Variants in EXOC6B observed in about 807,000 individuals in gnomAD.
The protein encoded by EXOC6B is exocyst complex component 6B.
In EXOC6B, 54 loss-of-function variants were observed where a neutral mutation model predicts 113.5. The ratio of observed to expected loss-of-function variants is 0.48; its 90% CI spans 0.38 to 0.60. The LOEUF (loss-of-function observed/expected upper bound fraction) is 0.60. EXOC6B is among the 20% of genes least tolerant of loss of function. The probability of loss-of-function intolerance (pLI) is 0.00; values close to 1 mark genes in which losing one functional copy is unlikely to be tolerated. For missense variants in EXOC6B, 797 were observed against 977.5 expected, an observed-to-expected ratio of 0.82 and a Z score of 2.46; for synonymous variants, 357 against 339.0, an observed-to-expected ratio of 1.05 and a Z score of -0.58.
At chr2:72,392,010 G>A (rs146355651) in intron 18 of EXOC6B, among the ~76,000 whole-genome samples, 78 of 152,222 alleles carry the variant, frequency 5.1e-4, no homozygotes, top group African/African-American at 1.7e-3. Context: ...GTAATGAGCT[G>A]TTATTATAGA....
At chr2:72,820,499 A>G (rs1221856053) in intron 1 of EXOC6B, among the ~76,000 whole-genome samples, 2 of 152,168 alleles carry the variant, frequency 1.3e-5, no homozygotes, top group Non-Finnish European at 2.9e-5. Context: ...GATCAAATAT[A>G]GGAATCAAAT....
Position 72,321,364 on chromosome 2 carries a change from G to A in EXOC6B, c.2196+13583C>T, listed in dbSNP as rs190784802. On this transcript the variant is annotated intron_variant, in intron 20 of 21. Transcript: ENST00000272427. Reference sequence around the variant, plus strand: ...AGCCTGGTCAACATGGTGAAACCTCGTCTCTCCTAAAAATACAAGAATTAG... The same window carrying A: ...AGCCTGGTCAACATGGTGAAACCTCATCTCTCCTAAAAATACAAGAATTAG... Among the ~76,000 whole-genome samples, 6 of 151,988 alleles carry A rather than the reference G, an allele frequency of 3.9e-5. No individual in the cohort carries two copies. The East Asian group carries it at 7.7e-4, about 20-fold the overall frequency.
intron 18 of EXOC6B, among the ~76,000 whole-genome samples, chr2:72,458,419 T>C (rs948669989): frequency 1.3e-5 from 2 of 152,100 alleles, no homozygotes; most frequent in Non-Finnish European, 2.9e-5. Flanking sequence ...GTTTAAGAAG[T>C]CATCTGATTC....
intron 1 of EXOC6B, among the ~76,000 whole-genome samples, chr2:72,777,464 C>T (rs1683775937): frequency 1.3e-5 from 2 of 151,804 alleles, no homozygotes; most frequent in Non-Finnish European, 2.9e-5. Context: ...AAATTCATTA[C>T]CTGGCAAAAC....
chr2:72,670,549 C>A (rs1244071123), intron 6 of EXOC6B, among the ~76,000 whole-genome samples: 1 of 152,272 alleles, frequency 6.6e-6, no homozygotes, highest in East Asian at 1.9e-4. Flanking sequence ...TAAGTTTGAT[C>A]ATGCCCCTCT....
intron 14 of EXOC6B, among the ~76,000 whole-genome samples, chr2:72,495,920 T>C (rs1417340051): frequency 6.6e-6 from 1 of 152,088 alleles, no homozygotes; most frequent in Non-Finnish European, 1.5e-5. Context: ...AAGGCAAAAG[T>C]AGATGCACAG....
At chr2:72,341,921 C>G (rs1266306411) in intron 19 of EXOC6B, among the ~76,000 whole-genome samples, 9 of 151,682 alleles carry the variant, frequency 5.9e-5, no homozygotes, top group Non-Finnish European at 1.3e-4. Flanking sequence ...GTATATAAAA[C>G]CAGAAATCAA....
chr2:72,708,054 C>CA (rs200077549), intron 6 of EXOC6B, among the ~76,000 whole-genome samples: 13 of 148,318 alleles, frequency 8.8e-5, no homozygotes, highest in South Asian at 2.1e-4. Context: ...ATTAAATTTT[C>CA]AAAAAAAAAA....
At chr2:72,289,023 T>C (rs1381670235) in intron 20 of EXOC6B, 7 of 271,668 alleles carry the variant, frequency 2.6e-5, no homozygotes, top group Non-Finnish European at 1.4e-5. Flanking sequence ...CCAGTTTAGT[T>C]TCATTGTATT....
intron 6 of EXOC6B, among the ~76,000 whole-genome samples, chr2:72,674,531 C>A (rs1304965440): frequency 6.6e-6 from 1 of 152,078 alleles, no homozygotes; most frequent in Non-Finnish European, 1.5e-5. Flanking sequence ...GAATCGTATA[C>A]CTTTTAAAAG....
chr2:72,733,266 G>C, intron 2 of EXOC6B, 148 bp from the exon 3 acceptor site: 1 of 642,490 alleles, frequency 1.6e-6, no homozygotes, highest in Non-Finnish European at 2.7e-6. Flanking sequence ...CATTCTCTTG[G>C]GTTTAAATTA....
At chr2:72,432,732 G>T (rs1402257858) in intron 18 of EXOC6B, among the ~76,000 whole-genome samples, 1 of 152,096 alleles carries the variant, frequency 6.6e-6, no homozygotes. Flanking sequence ...CTTTTGAGAA[G>T]TGTCTGTTCA....
intron 11 of EXOC6B, among the ~76,000 whole-genome samples, chr2:72,500,729 T>C (rs964129806): frequency 6.6e-6 from 1 of 152,334 alleles, no homozygotes; most frequent in Non-Finnish European, 1.5e-5. Context: ...GTGGGCAGGA[T>C]ACAAAGATGT....
chr2:72,341,582 GAATACTT>G (rs985352112), intron 19 of EXOC6B, among the ~76,000 whole-genome samples: 2 of 152,058 alleles, frequency 1.3e-5, no homozygotes, highest in Non-Finnish European at 2.9e-5. Flanking sequence ...CCTAACATTG[GAATACTT>G]AATATATTAA....
intron 20 of EXOC6B, among the ~76,000 whole-genome samples, chr2:72,227,914 C>G (rs917225048): frequency 6.6e-6 from 1 of 152,080 alleles, no homozygotes; most frequent in Admixed American, 6.6e-5. Flanking sequence ...AATGTGGCTT[C>G]CTAATGTTAT....
At chr2:72,398,022 G>A (rs959233853) in intron 18 of EXOC6B, among the ~76,000 whole-genome samples, 2 of 152,162 alleles carry the variant, frequency 1.3e-5, no homozygotes, top group African/African-American at 4.8e-5. Context: ...CAAATTGATT[G>A]AGCCACCAGG....
chr2:72,663,501 T>A (rs1004313391), intron 6 of EXOC6B, among the ~76,000 whole-genome samples: 1 of 152,204 alleles, frequency 6.6e-6, no homozygotes, highest in African/African-American at 2.4e-5. Flanking sequence ...CTAAATAATA[T>A]ACGGGTCAAA....
chr2:72,765,830 G>A (rs1030584411), intron 1 of EXOC6B, among the ~76,000 whole-genome samples: 1 of 152,100 alleles, frequency 6.6e-6, no homozygotes, highest in Non-Finnish European at 1.5e-5. Flanking sequence ...CCATTCAAGA[G>A]GCTGAAGTTC....
chr2:72,384,167 A>G (rs1451657580), intron 18 of EXOC6B, among the ~76,000 whole-genome samples: 1 of 152,116 alleles, frequency 6.6e-6, no homozygotes, highest in Admixed American at 6.5e-5. Flanking sequence ...GAAAACAAAC[A>G]AACAAAAAAT....
Sources: gnomAD v4.1 joint callset for allele counts (sites outside exome capture counted in the v4.1 genomes callset) on GRCh38, gnomAD v4.1.1 for gene constraint, MANE v1.5 for transcripts, NCBI Gene and HGNC (gene_info 2026-07-23, HGNC 2026-07-21) for gene names.